Variants in TRPM3 observed in about 807,000 individuals in gnomAD.
The protein encoded by TRPM3 is transient receptor potential cation channel subfamily M member 3.
A neutral mutation model predicts 181.2 loss-of-function variants in TRPM3; 77 were observed. That is an observed-to-expected ratio of 0.42 (90% CI 0.35 to 0.51). The LOEUF (loss-of-function observed/expected upper bound fraction) is 0.51. Among genes scored for constraint, TRPM3 ranks in the 20% least tolerant of loss-of-function variants. The pLI is 0.01. For missense variants in TRPM3, 1,759 were observed against 2,196.7 expected, an observed-to-expected ratio of 0.80 and a Z score of 3.98; for synonymous variants, 745 against 796.4, an observed-to-expected ratio of 0.94 and a Z score of 1.09.
At chr9:70,864,536 A>AAAG (rs1554753067) in intron 1 of TRPM3, 25 bp from the exon 2 acceptor site, 76 of 1,455,824 alleles carry the variant, frequency 5.2e-5, no homozygotes, top group Non-Finnish European at 6.2e-5. Context: ...AAAAAAAAAA[A>AAAG]AAAAAGAAAA....
intron 1 of TRPM3, among the ~76,000 whole-genome samples, chr9:71,289,145 T>G (rs2085556226): frequency 6.7e-6 from 1 of 149,742 alleles, no homozygotes; most frequent in African/African-American, 2.5e-5. Context: ...TCACAAAATA[T>G]GTAACAAAAC....
chr9:70,891,410 G>T (rs1460457990), intron 1 of TRPM3, among the ~76,000 whole-genome samples: 1 of 152,140 alleles, frequency 6.6e-6, no homozygotes, highest in East Asian at 1.9e-4. Flanking sequence ...AGAATTATAA[G>T]CATGCTGCTT....
intron 9 of TRPM3, among the ~76,000 whole-genome samples, chr9:70,644,131 T>C (rs1371627325): frequency 6.6e-6 from 1 of 152,198 alleles, no homozygotes; most frequent in African/African-American, 2.4e-5. Flanking sequence ...GAACGTCCAA[T>C]GACAAACAAG....
chr9:71,353,312 C>T (rs2091744690), intron 1 of TRPM3, among the ~76,000 whole-genome samples: 1 of 152,118 alleles, frequency 6.6e-6, no homozygotes, highest in South Asian at 2.1e-4. Flanking sequence ...ACTGGACTTC[C>T]CTTGATTACA....
chr9:70,741,635 A>G (rs1253450483), intron 8 of TRPM3, among the ~76,000 whole-genome samples: 1 of 152,184 alleles, frequency 6.6e-6, no homozygotes, highest in Non-Finnish European at 1.5e-5. Context: ...ACAGAACGCT[A>G]CTCAGCCATA....
chr9:70,964,861 A>G (rs1331088933), intron 1 of TRPM3, among the ~76,000 whole-genome samples: 2 of 152,104 alleles, frequency 1.3e-5, no homozygotes, highest in Non-Finnish European at 2.9e-5. Flanking sequence ...ATATGGGACA[A>G]TAAAAGTTGA....
chr9:70,995,623 G>T (rs2097534802), intron 1 of TRPM3, among the ~76,000 whole-genome samples: 1 of 152,086 alleles, frequency 6.6e-6, no homozygotes, highest in South Asian at 2.1e-4. Context: ...AGAGTGAGAT[G>T]TTGCTTGCCT....
chr9:71,235,912 C>T (rs1462040172), intron 1 of TRPM3, among the ~76,000 whole-genome samples: 1 of 152,184 alleles, frequency 6.6e-6, no homozygotes, highest in Non-Finnish European at 1.5e-5. Context: ...TCATGAGATA[C>T]TACATATGCC....
chr9:70,744,691 A>G (rs1334327960), intron 8 of TRPM3, among the ~76,000 whole-genome samples: 1 of 152,202 alleles, frequency 6.6e-6, no homozygotes, highest in African/African-American at 2.4e-5. Flanking sequence ...TGACTGGTAT[A>G]TAGGGGCAGA....
At chr9:71,244,383 T>A (rs1456904962) in intron 1 of TRPM3, among the ~76,000 whole-genome samples, 3 of 152,128 alleles carry the variant, frequency 2.0e-5, no homozygotes, top group African/African-American at 7.2e-5. Context: ...AGTGGCAGCA[T>A]CAGATTTCTA....
At chr9:70,804,935 A>G (rs1221112047) in intron 6 of TRPM3, among the ~76,000 whole-genome samples, 3 of 152,174 alleles carry the variant, frequency 2.0e-5, no homozygotes, top group Non-Finnish European at 2.9e-5. Context: ...GAAGTCCACC[A>G]TGGCATGCTG....
At chr9:71,180,214 C>G (rs1421070868) in intron 1 of TRPM3, among the ~76,000 whole-genome samples, 1 of 151,794 alleles carries the variant, frequency 6.6e-6, no homozygotes, top group Non-Finnish European at 1.5e-5. Context: ...ATCAGCACAC[C>G]CAGCTAATTT....
chr9:71,388,085 T>C (rs1307301472), intron 1 of TRPM3, among the ~76,000 whole-genome samples: 1 of 152,148 alleles, frequency 6.6e-6, no homozygotes, highest in East Asian at 1.9e-4. Flanking sequence ...GGGATTTCTG[T>C]GCCACTGTCA....
chr9:71,075,281 C>A (rs766069309), intron 1 of TRPM3, among the ~76,000 whole-genome samples: 15 of 152,116 alleles, frequency 9.9e-5, no homozygotes, highest in Non-Finnish European at 1.6e-4. Context: ...AAGATTCGAG[C>A]CTTTCACCAA....
chr9:70,984,512 T>C (rs755566104), intron 1 of TRPM3, among the ~76,000 whole-genome samples: 1 of 152,234 alleles, frequency 6.6e-6, no homozygotes, highest in African/African-American at 2.4e-5. Context: ...CAGAATACAC[T>C]GTTTTATATA....
At chr9:70,809,052 T>A (rs2091320027) in intron 6 of TRPM3, among the ~76,000 whole-genome samples, 1 of 152,172 alleles carries the variant, frequency 6.6e-6, no homozygotes, top group East Asian at 1.9e-4. Flanking sequence ...TGAGTGTGTT[T>A]GTGTCTTCAT....
At chr9:70,763,191 C>T (rs544123826) in intron 7 of TRPM3, among the ~76,000 whole-genome samples, 27 of 152,052 alleles carry the variant, frequency 1.8e-4, no homozygotes, top group Non-Finnish European at 2.2e-4. Context: ...CCCACTCCTA[C>T]AAAGTGTATA....
intron 16 of TRPM3, among the ~76,000 whole-genome samples, chr9:70,619,406 C>CCT (rs2063283177): frequency 1.2e-5 from 1 of 81,418 alleles, no homozygotes; most frequent in Non-Finnish European, 2.2e-5. Flanking sequence ...TCGTCGTCTT[C>CCT]TTTTTTTTTT....
chr9:70,817,220 A>G (rs571031574), intron 6 of TRPM3, among the ~76,000 whole-genome samples: 1 of 152,334 alleles, frequency 6.6e-6, no homozygotes, highest in South Asian at 2.1e-4. Flanking sequence ...GTGACAAAAT[A>G]CTGACACATA....
Sources: allele counts gnomAD v4.1 joint callset (sites outside exome capture counted in the v4.1 genomes callset), GRCh38; gene constraint gnomAD v4.1.1; transcripts MANE v1.5; gene names NCBI Gene and HGNC (gene_info 2026-07-23, HGNC 2026-07-21).